Variants in LARGE1 observed in about 807,000 individuals in gnomAD.
The protein encoded by LARGE1 is xylosyl- and glucuronyltransferase LARGE1.
Under a neutral mutation model 87.6 loss-of-function variants are expected in LARGE1, and 43 were observed. That is an observed-to-expected ratio of 0.49 (90% CI 0.38 to 0.63). The LOEUF is 0.63. Ranked by LOEUF, LARGE1 falls within the 30% of genes least tolerant of loss-of-function variation. LARGE1 has a pLI of 0.00. For synonymous variants in LARGE1, 434 were observed against 394.6 expected, an observed-to-expected ratio of 1.10 and a Z score of -1.18; for missense variants, 802 against 1,000.2, an observed-to-expected ratio of 0.80 and a Z score of 2.67.
intron 6 of LARGE1, among the ~76,000 whole-genome samples, chr22:33,552,643 A>T (rs532788299): frequency 3.9e-5 from 6 of 152,194 alleles, no homozygotes; most frequent in Non-Finnish European, 8.8e-5. Context: ...AAAGATAAAA[A>T]GAAAAGCTAG....
chr22:33,230,101 T>G (rs1925933857), intron 11 of LARGE1, among the ~76,000 whole-genome samples: 1 of 142,376 alleles, frequency 7.0e-6, no homozygotes, highest in Non-Finnish European at 1.5e-5. Flanking sequence ...AACCTCCACC[T>G]TCCAGGTTCA....
At chr22:33,861,754 A>T (rs977183950) in intron 1 of LARGE1, 1 of 151,854 alleles carries the variant, frequency 6.6e-6, no homozygotes, top group East Asian at 1.9e-4. Flanking sequence ...ACTTCTGCTC[A>T]CCACCCTTCG....
At chr22:33,363,739 C>A (rs1285988221) in intron 9 of LARGE1, among the ~76,000 whole-genome samples, 2 of 150,062 alleles carry the variant, frequency 1.3e-5, no homozygotes, top group Non-Finnish European at 3.0e-5. Context: ...TACGTCAGCA[C>A]CACTGCTTTT....
chr22:33,559,843 C>T (rs746364997), intron 6 of LARGE1, among the ~76,000 whole-genome samples: 22 of 152,068 alleles, frequency 1.4e-4, no homozygotes, highest in Non-Finnish European at 2.9e-4. Flanking sequence ...TTTTATTTCT[C>T]GAATCCTGTG....
At chr22:33,549,206 T>C (rs1035692198) in intron 6 of LARGE1, among the ~76,000 whole-genome samples, 2 of 152,226 alleles carry the variant, frequency 1.3e-5, no homozygotes, top group African/African-American at 4.8e-5. Flanking sequence ...GCCCAGTGCA[T>C]GGTGCAGAGA....
chr22:33,147,549 G>C, the LARGE1 span, among the ~76,000 whole-genome samples: 1 of 152,028 alleles, frequency 6.6e-6, no homozygotes, highest in Non-Finnish European at 1.5e-5. Context: ...ACTCACATAA[G>C]AGCTGCAAAA....
chr22:33,757,135 T>TTC (rs2084545151), intron 2 of LARGE1, among the ~76,000 whole-genome samples: 2 of 152,188 alleles, frequency 1.3e-5, no homozygotes, highest in Non-Finnish European at 2.9e-5. Flanking sequence ...TCTCAAGGAA[T>TTC]GGGAATCTCA....
chr22:33,209,306 A>C (rs1924842775), intron 11 of LARGE1, among the ~76,000 whole-genome samples: 2 of 152,220 alleles, frequency 1.3e-5, no homozygotes. Context: ...TAACAAATGC[A>C]AAGGTAGGAG....
At chr22:33,533,829 T>A (rs1250154917) in intron 6 of LARGE1, among the ~76,000 whole-genome samples, 1 of 152,140 alleles carries the variant, frequency 6.6e-6, no homozygotes, top group Non-Finnish European at 1.5e-5. Context: ...AAATGTAGGA[T>A]CTTGTTCATA....
rs138903157 is a variant in LARGE1 at position 33,903,881 on chromosome 22, T to A, written c.-83+16114A>T. On this transcript the variant is annotated intron_variant, in intron 1 of 14. Coordinates refer to ENST00000397394, the MANE Select transcript of LARGE1 (RefSeq NM_133642.5). ...AATGACTGATGCAGGGAATAGAAGGTATCACTGACACCACTGTGTCAATGG... is the reference window on the plus strand; with the variant it reads ...AATGACTGATGCAGGGAATAGAAGGAATCACTGACACCACTGTGTCAATGG... Among the ~76,000 whole-genome samples, 54 of 152,110 alleles carry A rather than the reference T, an allele frequency of 3.6e-4. No homozygotes were observed. In the East Asian group the frequency reaches 0.01, roughly 28 times the overall value.
At chr22:33,606,651 G>A (rs147017850) in intron 4 of LARGE1, among the ~76,000 whole-genome samples, 43 of 152,010 alleles carry the variant, frequency 2.8e-4, no homozygotes, top group African/African-American at 7.7e-4. Context: ...CATCTGTCCC[G>A]CAGTTGCTCA....
At chr22:33,761,302 C>A in intron 2 of LARGE1, 69 bp downstream of exon 2, 3 of 1,244,870 alleles carry the variant, frequency 2.4e-6, no homozygotes, top group Non-Finnish European at 3.6e-6. Context: ...AGTTTCTTTT[C>A]TAGGGTTCTA....
intron 11 of LARGE1, among the ~76,000 whole-genome samples, chr22:33,170,202 C>T (rs1303187678): frequency 6.6e-6 from 1 of 151,780 alleles, no homozygotes; most frequent in Non-Finnish European, 1.5e-5. Context: ...ATCCCCATCT[C>T]TACTCAAAAT....
At chr22:33,253,476 C>A (rs1927104686) in intron 11 of LARGE1, among the ~76,000 whole-genome samples, 1 of 152,140 alleles carries the variant, frequency 6.6e-6, no homozygotes, top group African/African-American at 2.4e-5. Context: ...CTTTGGGAGG[C>A]CCAGGTGGGC....
At chr22:33,210,160 G>A (rs1924883950) in intron 11 of LARGE1, among the ~76,000 whole-genome samples, 2 of 152,282 alleles carry the variant, frequency 1.3e-5, no homozygotes, top group South Asian at 4.1e-4. Context: ...AGATCCAGGA[G>A]GCTGTCGCTT....
chr22:33,545,006 G>C (rs1475812138), intron 6 of LARGE1, among the ~76,000 whole-genome samples: 1 of 152,140 alleles, frequency 6.6e-6, no homozygotes, highest in Admixed American at 6.5e-5. Flanking sequence ...CGTATGCTGA[G>C]CAGGCAGAAC....
At chr22:33,484,595 A>C (rs181998239) in intron 6 of LARGE1, among the ~76,000 whole-genome samples, 115 of 152,312 alleles carry the variant, frequency 7.6e-4, no homozygotes, top group Admixed American at 2.3e-3. Flanking sequence ...CCTCCATGAC[A>C]GAGGTGCTTC....
chr22:33,530,317 T>G (rs935712994), intron 6 of LARGE1, among the ~76,000 whole-genome samples: 1 of 152,212 alleles, frequency 6.6e-6, no homozygotes, highest in African/African-American at 2.4e-5. Flanking sequence ...TACCTCCTTA[T>G]GGCTTACAGC....
intron 9 of LARGE1, among the ~76,000 whole-genome samples, chr22:33,344,121 C>T (rs1176782524): frequency 6.6e-6 from 1 of 152,210 alleles, no homozygotes; most frequent in Non-Finnish European, 1.5e-5. Context: ...TTCTCCAGCC[C>T]ACTGACTCAA....
Sources: gnomAD v4.1 joint callset for allele counts (sites outside exome capture counted in the v4.1 genomes callset) on GRCh38, gnomAD v4.1.1 for gene constraint, MANE v1.5 for transcripts, NCBI Gene and HGNC (gene_info 2026-07-23, HGNC 2026-07-21) for gene names.